The following ANK3 variants were observed in gnomAD, a reference collection of about 807,000 sequenced individuals.
ANK3 encodes ankyrin 3, also known as ankyrin-3.
A neutral mutation model predicts 370.9 loss-of-function variants in ANK3; 57 were observed. That is an observed-to-expected ratio of 0.15 (90% CI 0.12 to 0.19). The LOEUF (loss-of-function observed/expected upper bound fraction) is 0.19. Ranked by LOEUF, ANK3 falls within the 10% of genes least tolerant of loss-of-function variation. The pLI is 1.00. For missense variants in ANK3, 4,439 were observed against 5,302.1 expected (o/e 0.84, Z 5.06); for synonymous variants, 1,929 against 1,946.3 (o/e 0.99, Z 0.23).
At chr10:60,310,532 G>A (rs2046127016) in intron 1 of ANK3, among the ~76,000 whole-genome samples, 1 of 152,110 alleles carries the variant, frequency 6.6e-6, no homozygotes, top group African/African-American at 2.4e-5. Context: ...AAAAAAGAGT[G>A]AATAATAGTT....
chr10:60,157,045 T>TTTC (rs2095351444), intron 23 of ANK3, among the ~76,000 whole-genome samples: 1 of 151,364 alleles, frequency 6.6e-6, no homozygotes, highest in South Asian at 2.1e-4. Context: ...GAATCTTTTT[T>TTTC]TTTTTTTTCG....
At chr10:60,511,528 ATACT>A (rs2076079575) in intron 2 of ANK3, among the ~76,000 whole-genome samples, 1 of 152,174 alleles carries the variant, frequency 6.6e-6, no homozygotes, top group African/African-American at 2.4e-5. Flanking sequence ...GATAAAATAA[ATACT>A]TAATGTGTCT....
intron 2 of ANK3, among the ~76,000 whole-genome samples, chr10:60,408,544 C>A (rs911853182): frequency 2.6e-5 from 4 of 152,104 alleles, no homozygotes; most frequent in Admixed American, 6.6e-5. Flanking sequence ...GAACAATGGG[C>A]CAATTAAACC....
intron 1 of ANK3, among the ~76,000 whole-genome samples, chr10:60,704,763 T>A (rs1158234087): frequency 6.6e-6 from 1 of 152,194 alleles, no homozygotes; most frequent in African/African-American, 2.4e-5. Context: ...AGCCAGTAAT[T>A]TTCCTTTAAC....
At chr10:60,253,261 TA>T (rs2097693052) in intron 7 of ANK3, among the ~76,000 whole-genome samples, 1 of 152,160 alleles carries the variant, frequency 6.6e-6, no homozygotes, top group South Asian at 2.1e-4. Context: ...CTCATTTGGC[TA>T]AAATAACTGT....
At chr10:60,270,814 C>T (rs2097963968) in intron 4 of ANK3, among the ~76,000 whole-genome samples, 1 of 152,140 alleles carries the variant, frequency 6.6e-6, no homozygotes, top group Non-Finnish European at 1.5e-5. Context: ...AAAAGAAATG[C>T]CGATTTGCAT....
chr10:60,710,338 A>G (rs1284766801), intron 1 of ANK3, among the ~76,000 whole-genome samples: 1 of 152,182 alleles, frequency 6.6e-6, no homozygotes, highest in Non-Finnish European at 1.5e-5. Context: ...TTATAGAGTT[A>G]GGATTTAATA....
intron 1 of ANK3, among the ~76,000 whole-genome samples, chr10:60,359,714 A>G (rs1373180513): frequency 6.6e-6 from 1 of 152,156 alleles, no homozygotes; most frequent in African/African-American, 2.4e-5. Flanking sequence ...AGGCAGGAGG[A>G]TCGCTTGAGC....
intron 27 of ANK3, 111 bp from the exon 28 acceptor site, chr10:60,106,170 G>T: frequency 1.0e-6 from 1 of 966,658 alleles, no homozygotes; most frequent in Non-Finnish European, 1.5e-6. Flanking sequence ...GTGCCACTAA[G>T]GTTGGGAATG....
chr10:60,444,334 T>A (rs549147764), intron 2 of ANK3, among the ~76,000 whole-genome samples: 39 of 151,576 alleles, frequency 2.6e-4, no homozygotes, highest in African/African-American at 9.2e-4. Flanking sequence ...CTCATTCACA[T>A]GATATAATGC....
intron 29 of ANK3, 107 bp from the exon 30 acceptor site, chr10:60,086,991 CAAAAAA>C (rs34256603): frequency 4.8e-5 from 7 of 144,800 alleles, no homozygotes; most frequent in South Asian, 3.0e-4. Context: ...AACAGACAAC[CAAAAAA>C]AAAAAAAAAA....
intron 4 of ANK3, among the ~76,000 whole-genome samples, chr10:60,273,824 C>T (rs1175273431): frequency 1.3e-5 from 2 of 152,210 alleles, no homozygotes; most frequent in Admixed American, 6.5e-5. Context: ...CCTGCACAAG[C>T]TCTCTTGCCT....
Position 60,070,658 on chromosome 10 carries a change from T to C in ANK3, c.10223A>G (p.Asp3408Gly), listed in dbSNP as rs559357054. The C allele has an allele frequency of 6.2e-7, 1 of 1,614,180 alleles. No individual in the cohort carries two copies. Among genetic ancestry groups the C allele is most frequent in the African/African-American group, 1.3e-5 (1 of 75,058 alleles). Reference sequence around the variant, plus strand: ...ATCCAGAGAGTCGATCTCTGTGGCATCCGTGTCATGAGAAAACTCTGCTGT... The same window carrying C: ...ATCCAGAGAGTCGATCTCTGTGGCACCCGTGTCATGAGAAAACTCTGCTGT... Reference protein sequence around the residue: ...ATTAEFSHDTDATEIDSLDGY... With the variant: ...ATTAEFSHDTGATEIDSLDGY... Residue 3408 changes from aspartate to glycine, a missense_variant, in exon 37 of 44, where the codon GAT (aspartate) becomes GGT (glycine). Coordinates refer to ENST00000280772, the MANE Select transcript of ANK3 (RefSeq NM_020987.5). The surrounding 1 kb of genome is among the most constrained non-coding windows in gnomAD (Gnocchi z 5.7).
chr10:60,498,369 A>G (rs2075712986), intron 2 of ANK3, among the ~76,000 whole-genome samples: 1 of 152,050 alleles, frequency 6.6e-6, no homozygotes, highest in South Asian at 2.1e-4. Context: ...GCTTATTTTT[A>G]TCTTTTGACT....
intron 42 of ANK3, among the ~76,000 whole-genome samples, chr10:60,050,002 G>T (rs1027090872): frequency 1.3e-5 from 2 of 152,160 alleles, no homozygotes; most frequent in Non-Finnish European, 1.5e-5. Context: ...TATGTGATAT[G>T]TTAAGCATAA....
intron 1 of ANK3, among the ~76,000 whole-genome samples, chr10:60,663,644 C>T (rs1194766914): frequency 6.6e-6 from 1 of 152,174 alleles, no homozygotes; most frequent in Non-Finnish European, 1.5e-5. Flanking sequence ...TTTCCTCCTA[C>T]CTTCATGATG....
At chr10:60,308,066 T>C (rs2045537656) in intron 1 of ANK3, among the ~76,000 whole-genome samples, 1 of 152,148 alleles carries the variant, frequency 6.6e-6, no homozygotes, top group African/African-American at 2.4e-5. Context: ...AAGGAACACA[T>C]GGAAAAAGCA....
intron 25 of ANK3, among the ~76,000 whole-genome samples, chr10:60,133,440 GA>G (rs1334118588): frequency 6.6e-6 from 1 of 152,156 alleles, no homozygotes; most frequent in Non-Finnish European, 1.5e-5. Context: ...ATTATTGGAA[GA>G]AAACAATTAC....
intron 38 of ANK3, among the ~76,000 whole-genome samples, chr10:60,064,688 CA>C (rs2081296459): frequency 1.4e-5 from 2 of 144,976 alleles, no homozygotes; most frequent in South Asian, 4.3e-4. Context: ...ACAACAACAA[CA>C]ACAACAACAA....
Sources: allele counts gnomAD v4.1 joint callset (sites outside exome capture counted in the v4.1 genomes callset), GRCh38; gene constraint gnomAD v4.1.1; non-coding constraint Gnocchi (gnomAD v3.1); transcripts MANE v1.5; gene names NCBI Gene and HGNC (gene_info 2026-07-23, HGNC 2026-07-21).